AP5M1: variants seen among roughly 807,000 people sequenced by gnomAD.
AP5M1 encodes adaptor related protein complex 5 subunit mu 1.
Under a neutral mutation model 52.3 loss-of-function variants are expected in AP5M1, and 44 were observed. The ratio of observed to expected loss-of-function variants is 0.84; its 90% CI spans 0.66 to 1.08. AP5M1 has a LOEUF of 1.08. Ranked by LOEUF, AP5M1 falls within the 50% of genes least tolerant of loss-of-function variation. The pLI, the probability that AP5M1 is intolerant of heterozygous loss-of-function variation, is 0.00. For missense variants in AP5M1, 526 were observed against 568.4 expected (o/e 0.93, Z 0.76); for synonymous variants, 213 against 199.0 (o/e 1.07, Z -0.59).
rs980820873 is a variant in AP5M1, at chr14:57,295,499, T to C, written c.*6615T>C. 6.6e-6 allele frequency: 1 copy of C among 151,954 alleles called. No individual in the cohort carries two copies. Among genetic ancestry groups the C allele is most frequent in the Admixed American group, 6.6e-5 (1 of 15,214 alleles). The allele number at this position is 151,954 out of a possible 1,614,324, so 9.4% of individuals were successfully genotyped here. On this transcript the variant is annotated 3_prime_UTR_variant, in exon 8 of 8. Transcript: ENST00000261558. ...GTTTACATTGTGTTTATTGAAGTGT[T>C]GAAAGAATATTTGTTGCATCTTCAA...
At chr14:57,279,836 T>C (rs1566516346) in intron 2 of AP5M1, among the ~76,000 whole-genome samples, 1 of 152,190 alleles carries the variant, frequency 6.6e-6, no homozygotes, top group Admixed American at 6.5e-5. Context: ...CTGGCATTAA[T>C]GGAGGATTAG....
At position 57,274,535 on chromosome 14, in the gene AP5M1, A is replaced by G. The variant is rs764793462; in HGVS notation, c.366A>G (p.Leu122=). The G allele has an allele frequency of 1.2e-6, 2 of 1,614,134 alleles. No homozygotes were observed. Among genetic ancestry groups the G allele is most frequent in the Non-Finnish European group, 8.5e-7 (1 of 1,180,012 alleles). Reference sequence around the variant, plus strand: ...AAACTCTGTCCCCTCGTCCGCCACTAATTAGTGTCAGTGGAGTTTCACAAG... The same window carrying G: ...AAACTCTGTCCCCTCGTCCGCCACTGATTAGTGTCAGTGGAGTTTCACAAG... ...VEQTLSPRPP[L]ISVSGVSQGF... is the part of the protein sequence containing the mutation. The change falls in exon 2 of 8, where the codon CTA becomes CTG. Residue 122 remains leucine, a synonymous_variant. Transcript: ENST00000261558.
In AP5M1 at chr14:57,290,320, C is replaced by A. The variant is rs1885410354; in HGVS notation, c.*1436C>A. 1 of 151,892 alleles carries A rather than the reference C, an allele frequency of 6.6e-6. No homozygotes were observed. The highest frequency in any genetic ancestry group is 2.1e-4 in the South Asian group (1 of 4,826). 9.4% of individuals were successfully genotyped at this position (151,892 alleles called of 1,614,324 possible). On this transcript the variant is annotated 3_prime_UTR_variant, in exon 8 of 8. Transcript: ENST00000261558. ...AAGAAAAAAAGAATAACTGCCTGAC[C>A]AGGATTTTAACTTGTTATTCTAGCT...
In AP5M1 at chr14:57,269,030, A is replaced by G. The variant is rs1321735352; in HGVS notation, c.-285A>G. The G allele has an allele frequency of 3.6e-6, 2 of 551,464 alleles. No individual in the cohort carries two copies. The highest frequency in any genetic ancestry group is 1.9e-5 in the African/African-American group (1 of 51,690). 34.2% of individuals were successfully genotyped at this position (551,464 alleles called of 1,614,324 possible). On this transcript the variant is annotated 5_prime_UTR_variant, in exon 1 of 8. It removes the in-frame stop codon of an upstream open reading frame in the 5' UTR. Coordinates refer to ENST00000261558, the MANE Select transcript of AP5M1 (RefSeq NM_018229.4). ...CCTTGCGGGCCACCATTCCGGAAGT[A>G]GAATTTAGAGGAAGAAAATACCGGA...
At chr14:57,287,460 AT>A (rs1366126911) in intron 7 of AP5M1, among the ~76,000 whole-genome samples, 1 of 152,000 alleles carries the variant, frequency 6.6e-6, no homozygotes, top group Non-Finnish European at 1.5e-5. Flanking sequence ...CTCTTACATC[AT>A]TTTTTTGTTG....
rs1216409223 is a variant in AP5M1, at chr14:57,294,234, C to T, written c.*5350C>T. ...GACAAATGCTCCACACTAAAAACCACCTGCTGAATTTTTTTTCCAGTAGGA... is the reference window on the plus strand; with the variant it reads ...GACAAATGCTCCACACTAAAAACCATCTGCTGAATTTTTTTTCCAGTAGGA... On this transcript the variant is annotated 3_prime_UTR_variant, in exon 8 of 8. Coordinates refer to ENST00000261558, the MANE Select transcript of AP5M1 (RefSeq NM_018229.4). 6.6e-6 allele frequency: 1 copy of T among 151,800 alleles called. No individual in the cohort carries two copies. The highest frequency in any genetic ancestry group is 1.5e-5 in the Non-Finnish European group (1 of 67,802). 9.4% of individuals were successfully genotyped at this position (151,800 alleles called of 1,614,324 possible).
In AP5M1 at chr14:57,292,150, G is replaced by A. The variant is rs1885450892; in HGVS notation, c.*3266G>A. The A allele has an allele frequency of 6.6e-6, 1 of 151,790 alleles. No homozygotes were observed. The highest frequency in any genetic ancestry group is 2.1e-4 in the South Asian group (1 of 4,796). 9.4% of individuals were successfully genotyped at this position (151,790 alleles called of 1,614,324 possible). ...TACCAGGCTGCTGAAAGGAAAAGGA[G>A]GCAAAAAGCTAAACATGGGATGAAT... On this transcript the variant is annotated 3_prime_UTR_variant, in exon 8 of 8. Transcript: ENST00000261558.
chr14:57,282,271 A>G, intron 4 of AP5M1, 43 bp downstream of exon 4: 1 of 1,410,184 alleles, frequency 7.1e-7, no homozygotes, highest in Non-Finnish European at 9.4e-7. Flanking sequence ...GTCTTCCTTA[A>G]TACATTTCCA....
chr14:57,271,368 G>C (rs1335667910), intron 1 of AP5M1: 4 of 152,196 alleles, frequency 2.6e-5, no homozygotes, highest in Admixed American at 2.0e-4. Flanking sequence ...AGCAAGAAGG[G>C]GTTCCCGTAT....
rs200077344 is a variant in AP5M1, at chr14:57,274,412, A to G, written c.243A>G (p.Thr81=). 30 of 1,614,084 alleles carry G rather than the reference A, an allele frequency of 1.9e-5. No individual in the cohort carries two copies. Among genetic ancestry groups the G allele is most frequent in the Non-Finnish European group, 1.2e-5 (14 of 1,180,038 alleles). Reference sequence around the variant, plus strand: ...ATAGCTGTTCACGCATCAATAAAACATCCATTTATGGACTCCTGATAGGAG... The same window carrying G: ...ATAGCTGTTCACGCATCAATAAAACGTCCATTTATGGACTCCTGATAGGAG... ...SRDSCSRINK[T]SIYGLLIGGE... Residue 81 remains threonine, a synonymous_variant, in exon 2 of 8, where the codon ACA becomes ACG. Coordinates refer to ENST00000261558, the MANE Select transcript of AP5M1 (RefSeq NM_018229.4).
intron 2 of AP5M1, among the ~76,000 whole-genome samples, chr14:57,276,095 A>C (rs942732977): frequency 3.3e-5 from 5 of 152,082 alleles, no homozygotes; most frequent in African/African-American, 1.2e-4. Context: ...TTAACGTTAA[A>C]GTTACCTAAA....
chr14:57,279,303 A>C (rs564016090), intron 2 of AP5M1, among the ~76,000 whole-genome samples: 1 of 152,336 alleles, frequency 6.6e-6, no homozygotes, highest in Non-Finnish European at 1.5e-5. Flanking sequence ...TGATAGACTG[A>C]ATAAAGAAAA....
At chr14:57,269,800 CTTTTATTTTTTTGT>C (rs1884833656) in intron 1 of AP5M1, among the ~76,000 whole-genome samples, 1 of 152,072 alleles carries the variant, frequency 6.6e-6, no homozygotes, top group African/African-American at 2.4e-5. Flanking sequence ...TTATATCAGA[CTTTTATTTTTTTGT>C]TTTTATTTTT....
At position 57,274,491 on chromosome 14, in the gene AP5M1, T is replaced by C; in HGVS notation, c.322T>C (p.Cys108Arg). The C allele has an allele frequency of 6.2e-7, 1 of 1,614,220 alleles. No individual in the cohort carries two copies. The highest frequency in any genetic ancestry group is 8.5e-7 in the Non-Finnish European group (1 of 1,180,038). The change falls in exon 2 of 8, where the codon TGT becomes CGT. Residue 108 changes from cysteine to arginine, a missense_variant. Physicochemically the swap from Cys to Arg is radical, Grantham distance 180. Around this residue, in one of 3 missense-constraint regions of AP5M1, gnomAD observed 425 missense variants for 430.6 expected, o/e 0.99. Coordinates refer to ENST00000261558, the MANE Select transcript of AP5M1 (RefSeq NM_018229.4). ...AFLKNDMIYA[C>R]VPLVEQTLSP... ...TCTGAAGAATGACATGATATATGCT[T>C]GTGTTCCACTAGTTGAACAAACTCT...
intron 2 of AP5M1, among the ~76,000 whole-genome samples, chr14:57,278,814 G>A (rs551844790): frequency 6.6e-5 from 10 of 152,226 alleles, no homozygotes; most frequent in African/African-American, 2.4e-4. Context: ...AAGTTGCAGG[G>A]TAGAAAATTT....
rs889969451 is a variant in AP5M1, at chr14:57,292,436, G to A, written c.*3552G>A. 1 of 151,750 alleles carries A rather than the reference G, an allele frequency of 6.6e-6. No individual in the cohort carries two copies. Among genetic ancestry groups the A allele is most frequent in the African/African-American group, 2.4e-5 (1 of 41,374 alleles). The allele number at this position is 151,750 out of a possible 1,614,324, so 9.4% of individuals were successfully genotyped here. On this transcript the variant is annotated 3_prime_UTR_variant, in exon 8 of 8. Transcript: ENST00000261558. ...TATTCTCTATAACCTTTTAAAGCAAGGGCCAAGAATGCAATTTATTTTCAG... is the reference window on the plus strand; with the variant it reads ...TATTCTCTATAACCTTTTAAAGCAAAGGCCAAGAATGCAATTTATTTTCAG...
In AP5M1 at chr14:57,288,893, T is replaced by A; in HGVS notation, c.*9T>A. On this transcript the variant is annotated 3_prime_UTR_variant, in exon 8 of 8. Coordinates refer to ENST00000261558, the MANE Select transcript of AP5M1 (RefSeq NM_018229.4). ...GATCATTATTATTGTAATAGTCTCA[T>A]GTTTAAATGGGATTATATAATGATA... The A allele has an allele frequency of 7.0e-7, 1 of 1,437,784 alleles. No individual in the cohort carries two copies. The highest frequency in any genetic ancestry group is 9.7e-7 in the Non-Finnish European group (1 of 1,034,674). The allele number at this position is 1,437,784 out of a possible 1,614,324, so 89.1% of individuals were successfully genotyped here.
At chr14:57,288,699 G>T in intron 7 of AP5M1, 103 bp from the exon 8 acceptor site, 1 of 692,462 alleles carries the variant, frequency 1.4e-6, no homozygotes, top group East Asian at 2.7e-5. Flanking sequence ...TCAAAGTATT[G>T]ACTTGAAATA....
chr14:57,286,459 C>T (rs1198306534), intron 7 of AP5M1, 140 bp downstream of exon 7: 1 of 623,756 alleles, frequency 1.6e-6, no homozygotes, highest in Non-Finnish European at 2.8e-6. Context: ...GATTCTACCC[C>T]ACATAACAGT....
Sources: allele counts gnomAD v4.1 joint callset (sites outside exome capture counted in the v4.1 genomes callset), GRCh38; gene constraint gnomAD v4.1.1; regional missense constraint gnomAD v4.1.1; transcripts MANE v1.5; gene names NCBI Gene and HGNC (gene_info 2026-07-23, HGNC 2026-07-21).